MARK4: variants seen among roughly 807,000 people sequenced by gnomAD.
MARK4 encodes the protein microtubule affinity regulating kinase 4.
In MARK4, 19 loss-of-function variants were observed where a neutral mutation model predicts 81.5. The ratio of observed to expected loss-of-function variants is 0.23; its 90% confidence interval spans 0.16 to 0.34. The LOEUF is 0.34. Ranked by LOEUF, MARK4 falls within the 10% of genes least tolerant of loss-of-function variation. The pLI is 1.00. For synonymous variants in MARK4, 436 were observed against 439.0 expected (o/e 0.99, Z 0.08); for missense variants, 772 against 1,058.8 (o/e 0.73, Z 3.76).
intron 12 of MARK4, 53 bp from the exon 13 acceptor site, chr19:45,287,394 C>A: frequency 8.1e-7 from 1 of 1,231,626 alleles, no homozygotes; most frequent in South Asian, 2.1e-5. Flanking sequence ...CCCCCAGAGT[C>A]AGTTCTGGGT....
rs193080044 is a variant in MARK4, at chr19:45,299,512, C to T, written c.1878-299C>T. On this transcript the variant is annotated intron_variant, in intron 15 of 16. Transcript: ENST00000262891. ...GGGAGTGTGTGTGTGTGCACACGTG[C>T]GTGTGTCTCTCTCTTTCTCTCTGTG... Among the ~76,000 whole-genome samples, 83 of 152,202 alleles carry T rather than the reference C, an allele frequency of 5.5e-4. 1 individual carries two copies. In the East Asian group the frequency reaches 0.013, roughly 23 times the overall value.
At position 45,303,722 on chromosome 19, in the gene MARK4, A is replaced by G. The variant is rs768171906; in HGVS notation, c.*1012A>G. ...CAGGCCCAGTGCTGGACACAGAGAC[A>G]TGAAGCTCTGTCTGTGGGAGACAGG... On this transcript the variant is annotated 3_prime_UTR_variant, in exon 17 of 17. Coordinates refer to ENST00000262891, the MANE Select transcript of MARK4 (RefSeq NM_001199867.2). The G allele has an allele frequency of 3.9e-5, 6 of 152,150 alleles. No homozygotes were observed. Among genetic ancestry groups the G allele is most frequent in the African/African-American group, 9.7e-5 (4 of 41,356 alleles). The allele number at this position is 152,150 out of a possible 1,614,324, so 9.4% of individuals were successfully genotyped here. A position where few individuals can be genotyped will look rare whatever the true frequency, so the allele number is the denominator to read the frequency against.
chr19:45,299,794 C>A lies in MARK4; in HGVS notation c.1878-17C>A, dbSNP rs756327452. 6 of 1,588,750 alleles carry A rather than the reference C, an allele frequency of 3.8e-6. No homozygotes were observed. The Admixed American group carries it at 5.1e-5, about 13-fold the overall frequency. On this transcript the variant is annotated splice_polypyrimidine_tract_variant and intron_variant, in intron 15 of 16. Coordinates refer to ENST00000262891, the MANE Select transcript of MARK4 (RefSeq NM_001199867.2). ...CTATGTCCAGATTAGACACTCTGTC[C>A]CCCTCCCCTCCCCTAGGGTCGCAGA... is the stretch of plus-strand genomic sequence containing the variant.
intron 12 of MARK4, among the ~76,000 whole-genome samples, chr19:45,284,617 C>T (rs972197476): frequency 1.2e-4 from 18 of 152,194 alleles, no homozygotes; most frequent in African/African-American, 2.6e-4. Context: ...CATGAGCCAC[C>T]GCGCCTGGCC....
intron 12 of MARK4, among the ~76,000 whole-genome samples, chr19:45,283,267 G>A (rs1208870091): frequency 1.3e-5 from 2 of 151,644 alleles, no homozygotes; most frequent in Non-Finnish European, 2.9e-5. Flanking sequence ...AAATTAGCCG[G>A]GCGTAGTGGC....
In MARK4 at chr19:45,280,431, A is replaced by G. The variant is rs1302324590; in HGVS notation, c.1064A>G (p.Gln355Arg). Residue 355 changes from glutamine (Q) to arginine (R), a missense_variant, in exon 11 of 17, where the codon CAG (glutamine) becomes CGG (arginine). Transcript: ENST00000262891. Reference protein sequence around the residue: ...REEIKESLTSQKYNEVTATYL... With the variant: ...REEIKESLTSRKYNEVTATYL... Reference sequence around the variant, plus strand: ...GAAATCAAAGAGTCCTTGACCAGCCAGAAGTACAACGAAGTGACCGCCACC... The same window carrying G: ...GAAATCAAAGAGTCCTTGACCAGCCGGAAGTACAACGAAGTGACCGCCACC... The G allele has an allele frequency of 4.3e-6, 7 of 1,614,246 alleles. No individual in the cohort carries two copies. The highest frequency in any genetic ancestry group is 3.4e-6 in the Non-Finnish European group (4 of 1,180,026).
At chr19:45,301,169 A>G (rs1219589198) in intron 16 of MARK4, among the ~76,000 whole-genome samples, 2 of 152,152 alleles carry the variant, frequency 1.3e-5, no homozygotes, top group African/African-American at 4.8e-5. Context: ...TGTAATTCCA[A>G]CAACTCAGGA....
intron 7 of MARK4, among the ~76,000 whole-genome samples, chr19:45,268,409 C>G (rs895401583): frequency 3.3e-5 from 5 of 152,102 alleles, no homozygotes; most frequent in African/African-American, 4.8e-5. Context: ...CACGGTGAAA[C>G]TCCATCTCTA....
rs1446550439 is a variant in MARK4, at chr19:45,297,478, A to G, written c.1599-198A>G. Among the ~76,000 whole-genome samples the G allele has an allele frequency of 2.6e-5, 4 of 152,182 alleles. No individual in the cohort carries two copies. In the East Asian group the frequency reaches 7.7e-4, roughly 29 times the overall value. On this transcript the variant is annotated intron_variant, in intron 14 of 16. Coordinates refer to ENST00000262891, the MANE Select transcript of MARK4 (RefSeq NM_001199867.2). Reference sequence around the variant, plus strand: ...GAAGGGACAGTTTGAAGGAGGGGTAATAGGAGAGGAGAGAGTCAGTAAAAT... The same window carrying G: ...GAAGGGACAGTTTGAAGGAGGGGTAGTAGGAGAGGAGAGAGTCAGTAAAAT...
chr19:45,266,965 C>T (rs530415943), intron 7 of MARK4, among the ~76,000 whole-genome samples: 1 of 152,170 alleles, frequency 6.6e-6, no homozygotes, highest in African/African-American at 2.4e-5. Flanking sequence ...ATCTCCTGAC[C>T]TTGTGATCCG....
intron 15 of MARK4, chr19:45,298,371 A>G (rs1219418960): frequency 1.4e-5 from 12 of 832,628 alleles, no homozygotes; most frequent in Non-Finnish European, 2.1e-5. Flanking sequence ...AGCACAGCCT[A>G]TGGAGCCAGA....
chr19:45,261,125 G>A (rs1041872956), intron 2 of MARK4, among the ~76,000 whole-genome samples: 2 of 152,038 alleles, frequency 1.3e-5, no homozygotes, highest in Admixed American at 6.6e-5. Context: ...ACCGGGCCCC[G>A]ATGGTCTTAC....
intron 13 of MARK4, 51 bp downstream of exon 13, chr19:45,287,715 TTCC>T: frequency 6.4e-7 from 1 of 1,555,768 alleles, no homozygotes; most frequent in Non-Finnish European, 8.8e-7. Flanking sequence ...CTGGGCCACA[TTCC>T]TCAGGCCCTG....
At chr19:45,261,414 A>G (rs1970379203) in intron 2 of MARK4, among the ~76,000 whole-genome samples, 1 of 152,226 alleles carries the variant, frequency 6.6e-6, no homozygotes, top group South Asian at 2.1e-4. Context: ...CAATTTATTC[A>G]TGTACTTCAC....
intron 2 of MARK4, among the ~76,000 whole-genome samples, chr19:45,260,406 A>T (rs1394920038): frequency 2.0e-5 from 3 of 148,896 alleles, no homozygotes; most frequent in Non-Finnish European, 4.5e-5. Flanking sequence ...AAAAAAAAAA[A>T]ATTGGCCGAG....
chr19:45,297,777 G>A lies in MARK4; in HGVS notation c.1700G>A (p.Ser567Asn). 2.5e-6 allele frequency: 4 copies of A among 1,579,846 alleles called. No individual in the cohort carries two copies. The highest frequency in any genetic ancestry group is 3.4e-6 in the Non-Finnish European group (4 of 1,165,642). Reference sequence around the variant, plus strand: ...CTGGCACGTGGTTCCACCATCCGCAGCACCTTCCATGGTGGCCAGGTCCGG... The same window carrying A: ...CTGGCACGTGGTTCCACCATCCGCAACACCTTCCATGGTGGCCAGGTCCGG... ...SRLARGSTIR[S>N]TFHGGQVRDR... Residue 567 changes from serine to asparagine, a missense_variant, in exon 15 of 17, where the codon AGC becomes AAC. Physicochemically the swap from Ser to Asn is conservative, Grantham distance 46. Transcript: ENST00000262891.
At chr19:45,256,908 A>G (rs1267538928) in intron 1 of MARK4, among the ~76,000 whole-genome samples, 1 of 151,950 alleles carries the variant, frequency 6.6e-6, no homozygotes, top group East Asian at 1.9e-4. Flanking sequence ...AAACTTTTTC[A>G]TCATTATTAT....
intron 13 of MARK4, among the ~76,000 whole-genome samples, chr19:45,289,971 G>A (rs114315729): frequency 0.016 from 2,443 of 151,446 alleles, 76 homozygotes; most frequent in African/African-American, 0.056. Context: ...GTGGTGGCAC[G>A]TGCTGGTAGT....
intron 4 of MARK4, among the ~76,000 whole-genome samples, chr19:45,264,443 T>G (rs1344991642): frequency 6.7e-6 from 1 of 148,338 alleles, no homozygotes; most frequent in East Asian, 2.0e-4. Context: ...TGAGCAGAGA[T>G]CGCGCCATTG....
Sources: allele counts gnomAD v4.1 joint callset (sites outside exome capture counted in the v4.1 genomes callset), GRCh38; gene constraint gnomAD v4.1.1; transcripts MANE v1.5; gene names NCBI Gene and HGNC (gene_info 2026-07-23, HGNC 2026-07-21).